Variants in FHOD3 observed in about 807,000 individuals in gnomAD.
The protein encoded by FHOD3 is FH1/FH2 domain-containing protein 3.
Under a neutral mutation model 173.0 loss-of-function variants are expected in FHOD3, and 90 were observed. That is an observed-to-expected ratio of 0.52 (90% CI 0.44 to 0.62). FHOD3 has a LOEUF of 0.62. Among genes scored for constraint, FHOD3 ranks in the 20% least tolerant of loss-of-function variants. The pLI, the probability that FHOD3 is intolerant of heterozygous loss-of-function variation, is 0.00. For synonymous variants in FHOD3, 828 were observed against 823.0 expected, an observed-to-expected ratio of 1.01 and a Z score of -0.10; for missense variants, 1,945 against 2,034.7, an observed-to-expected ratio of 0.96 and a Z score of 0.85.
At chr18:36,550,647 A>G (rs530695453) in intron 5 of FHOD3, among the ~76,000 whole-genome samples, 7 of 152,150 alleles carry the variant, frequency 4.6e-5, no homozygotes, top group Non-Finnish European at 8.8e-5. Flanking sequence ...GTATACAGAC[A>G]TTACATATCT....
chr18:36,423,914 G>A (rs901107233), intron 3 of FHOD3, among the ~76,000 whole-genome samples: 5 of 152,148 alleles, frequency 3.3e-5, no homozygotes, highest in African/African-American at 1.2e-4. Flanking sequence ...TGTAAAACCC[G>A]TATTTGTTTC....
At chr18:36,649,777 A>G (rs114003637) in intron 11 of FHOD3, among the ~76,000 whole-genome samples, 3,147 of 152,288 alleles carry the variant, frequency 0.021, 109 homozygotes, top group African/African-American at 0.071. Flanking sequence ...GAAGAATTCC[A>G]TATGTTCCTT....
At chr18:36,709,000 C>CA in intron 17 of FHOD3, 95 bp from the exon 18 acceptor site, 1 of 1,452,798 alleles carries the variant, frequency 6.9e-7, no homozygotes, top group Non-Finnish European at 9.4e-7. Context: ...GACATCTGTC[C>CA]ACCACAGAGA....
At chr18:36,537,082 T>C (rs2147004162) in intron 5 of FHOD3, among the ~76,000 whole-genome samples, 1 of 152,328 alleles carries the variant, frequency 6.6e-6, no homozygotes, top group East Asian at 1.9e-4. Flanking sequence ...CTTGCTTTGC[T>C]TGTCTGTTGC....
intron 5 of FHOD3, among the ~76,000 whole-genome samples, chr18:36,575,962 T>G (rs896386732): frequency 2.0e-5 from 3 of 152,246 alleles, no homozygotes; most frequent in African/African-American, 7.2e-5. Context: ...ACTATGCATT[T>G]ATTGCTGACC....
At position 36,653,398 on chromosome 18, in the gene FHOD3, G is replaced by T. The variant is rs1014767571; in HGVS notation, c.1703G>T (p.Arg568Leu). ...TYSASEPYHF[R>L]SFSSNRYSNF... is the part of the protein sequence containing the mutation. ...TCTGCCTCTGAGCCTTACCACTTCC[G>T]ATCTTTCTCTTCTAATAGGTGGGTG... The change falls in exon 13 of 29, where the codon CGA (arginine) becomes CTA (leucine). Residue 568 changes from arginine (R) to leucine (L), a missense_variant. Physicochemically the swap from Arg to Leu is moderately radical, Grantham distance 102. Transcript: ENST00000590592. 6.5e-7 allele frequency: 1 copy of T among 1,533,458 alleles called. No homozygotes were observed. Among genetic ancestry groups the T allele is most frequent in the Non-Finnish European group, 8.7e-7 (1 of 1,145,224 alleles). The allele number at this position is 1,533,458 out of a possible 1,614,324, so 95.0% of individuals were successfully genotyped here. A position where few individuals can be genotyped will look rare whatever the true frequency, so the allele number is the denominator to read the frequency against.
intron 10 of FHOD3, among the ~76,000 whole-genome samples, chr18:36,631,479 T>C (rs2034508836): frequency 6.6e-6 from 1 of 151,976 alleles, no homozygotes; most frequent in Non-Finnish European, 1.5e-5. Context: ...TGAAGAGAGT[T>C]GTACCATATA....
At chr18:36,701,004 C>T (rs1291468364) in intron 17 of FHOD3, among the ~76,000 whole-genome samples, 2 of 152,234 alleles carry the variant, frequency 1.3e-5, no homozygotes, top group African/African-American at 4.8e-5. Flanking sequence ...ACCTCACTGT[C>T]CATGTGATAA....
intron 3 of FHOD3, among the ~76,000 whole-genome samples, chr18:36,486,127 C>T (rs2145647132): frequency 6.6e-6 from 1 of 152,302 alleles, no homozygotes; most frequent in Admixed American, 6.5e-5. Context: ...AACAGAACTT[C>T]CTCCATTTTC....
intron 3 of FHOD3, among the ~76,000 whole-genome samples, chr18:36,445,239 TTAGA>T (rs1451606924): frequency 1.3e-5 from 2 of 152,188 alleles, no homozygotes; most frequent in Admixed American, 6.5e-5. Flanking sequence ...AGTTCAGGAC[TTAGA>T]TAGTTAATCC....
intron 13 of FHOD3, 92 bp from the exon 14 acceptor site, chr18:36,657,983 C>A: frequency 1.0e-6 from 1 of 960,076 alleles, no homozygotes. Context: ...GTTTCTCTTG[C>A]AAAAATTAAA....
chr18:36,386,997 A>G (rs760291284), intron 3 of FHOD3, among the ~76,000 whole-genome samples: 6 of 152,190 alleles, frequency 3.9e-5, no homozygotes, highest in Non-Finnish European at 8.8e-5. Flanking sequence ...AAAATATAGA[A>G]GTTCTTAAGG....
At chr18:36,498,605 C>T (rs2054862540) in intron 3 of FHOD3, among the ~76,000 whole-genome samples, 1 of 151,986 alleles carries the variant, frequency 6.6e-6, no homozygotes, top group Non-Finnish European at 1.5e-5. Context: ...CATTGAAGAA[C>T]AAAGAGATAA....
chr18:36,771,216 G>T (rs2043362824), intron 28 of FHOD3, among the ~76,000 whole-genome samples: 1 of 152,108 alleles, frequency 6.6e-6, no homozygotes. Context: ...ATTCAAATCT[G>T]CATTTAATGA....
Position 36,315,953 on chromosome 18 carries a change from C to T in FHOD3, c.165+17953C>T, listed in dbSNP as rs555892265. On this transcript the variant is annotated intron_variant, in intron 1 of 28. Transcript: ENST00000590592. The stretch of plus-strand genomic sequence containing the variant: ...CTCTCTGCCCGCTGCTGCCACTGCA[C>T]GCACCGTTCTGTGGCTGAGACAGCC... Among the ~76,000 whole-genome samples the T allele has an allele frequency of 3.1e-3, 470 of 152,204 alleles. 3 individuals are homozygous for T. Among genetic ancestry groups the T allele is most frequent in the Non-Finnish European group, 4.5e-3 (309 of 68,012 alleles).
intron 14 of FHOD3, among the ~76,000 whole-genome samples, chr18:36,674,474 G>A (rs2037724717): frequency 6.6e-6 from 1 of 152,120 alleles, no homozygotes; most frequent in Non-Finnish European, 1.5e-5. Flanking sequence ...TGAACTCCTG[G>A]CCTTGAGCAG....
intron 9 of FHOD3, 22 bp downstream of exon 9, chr18:36,612,117 A>G (rs2032743127): frequency 6.2e-7 from 1 of 1,610,664 alleles, no homozygotes; most frequent in African/African-American, 1.3e-5. Context: ...TGCCTTTTGT[A>G]AGGTATCGTA....
At chr18:36,564,049 C>A (rs910879281) in intron 5 of FHOD3, among the ~76,000 whole-genome samples, 1 of 152,092 alleles carries the variant, frequency 6.6e-6, no homozygotes, top group African/African-American at 2.4e-5. Context: ...CTGCTTTTCC[C>A]GGGTTCATTG....
At chr18:36,454,186 G>T (rs1159841330) in intron 3 of FHOD3, among the ~76,000 whole-genome samples, 1 of 151,882 alleles carries the variant, frequency 6.6e-6, no homozygotes, top group African/African-American at 2.4e-5. Flanking sequence ...CCCTCACATT[G>T]CTGGGAAGGA....
Sources: gnomAD v4.1 joint callset for allele counts (sites outside exome capture counted in the v4.1 genomes callset) on GRCh38, gnomAD v4.1.1 for gene constraint, MANE v1.5 for transcripts, NCBI Gene and HGNC (gene_info 2026-07-23, HGNC 2026-07-21) for gene names.